ASPSCR1: variants seen among roughly 807,000 people sequenced by gnomAD.
ASPSCR1 encodes the protein tether containing UBX domain for GLUT4.
A neutral mutation model predicts 68.9 loss-of-function variants in ASPSCR1; 55 were observed. The ratio of observed to expected loss-of-function variants is 0.80; its 90% CI spans 0.64 to 1.00. ASPSCR1 has a LOEUF of 1.00. Ranked by LOEUF, ASPSCR1 falls within the 50% of genes least tolerant of loss-of-function variation. The pLI, the probability that ASPSCR1 is intolerant of heterozygous loss-of-function variation, is 0.00. For missense variants in ASPSCR1, 765 were observed against 762.2 expected (o/e 1.00, Z -0.04); for synonymous variants, 352 against 332.6 (o/e 1.06, Z -0.63).
Position 81,980,209 on chromosome 17 carries a change from C to G in ASPSCR1, c.158+970C>G, listed in dbSNP as rs574335126. ...CATTGGCCAGGACGGTCTAGAACTC[C>G]TGACCTTGTGATCCGCCTGCCTTGG... On this transcript the variant is annotated intron_variant, in intron 2 of 15. Coordinates refer to ENST00000306739, the MANE Select transcript of ASPSCR1 (RefSeq NM_024083.4). Among the ~76,000 whole-genome samples, 5 of 152,334 alleles carry G rather than the reference C, an allele frequency of 3.3e-5. No homozygotes were observed. In the South Asian group the frequency reaches 6.2e-4, roughly 19 times the overall value.
At chr17:81,978,832 G>T (rs373865623) in intron 1 of ASPSCR1, 37 of 350,196 alleles carry the variant, frequency 1.1e-4, no homozygotes, top group African/African-American at 7.8e-4. Flanking sequence ...AGAGCCAGGG[G>T]GTAGCTTGTG....
chr17:81,994,488 G>C (rs1045994297), intron 4 of ASPSCR1, among the ~76,000 whole-genome samples: 4 of 152,200 alleles, frequency 2.6e-5, no homozygotes, highest in Non-Finnish European at 5.9e-5. Flanking sequence ...AGCCAGTGCT[G>C]CTCGCCCCTC....
chr17:81,985,676 C>T, intron 4 of ASPSCR1, 69 bp downstream of exon 4: 1 of 1,499,566 alleles, frequency 6.7e-7, no homozygotes, highest in Non-Finnish European at 9.2e-7. Context: ...GTTACTGGGT[C>T]TGGTTCAGAG....
chr17:81,983,938 A>G lies in ASPSCR1; in HGVS notation c.273+270A>G, dbSNP rs1002606048. Among the ~76,000 whole-genome samples the G allele has an allele frequency of 2.0e-5, 3 of 151,450 alleles. No homozygotes were observed. Among genetic ancestry groups the G allele is most frequent in the Non-Finnish European group, 4.4e-5 (3 of 67,888 alleles). ...AGTGGCGCAGTCTCGGCTCACTTCAAGCTCCGCCTCCCGGGTTCACACCAT... is the reference window on the plus strand; with the variant it reads ...AGTGGCGCAGTCTCGGCTCACTTCAGGCTCCGCCTCCCGGGTTCACACCAT... On this transcript the variant is annotated intron_variant, in intron 3 of 15. Coordinates refer to ENST00000306739, the MANE Select transcript of ASPSCR1 (RefSeq NM_024083.4). The surrounding 1 kb of genome is among the most constrained non-coding windows in gnomAD (Gnocchi z 4.4).
intron 5 of ASPSCR1, chr17:81,995,328 T>G: frequency 1.3e-5 from 4 of 305,082 alleles, no homozygotes; most frequent in Middle Eastern, 9.0e-4. Context: ...GGCCAGGACA[T>G]TCCCCGCATT....
intron 6 of ASPSCR1, 144 bp from the exon 7 acceptor site, chr17:81,996,276 T>C (rs963996232): frequency 1.5e-6 from 2 of 1,310,468 alleles, no homozygotes; most frequent in Non-Finnish European, 2.0e-6. Flanking sequence ...CGGTGGATCT[T>C]GGGAGGGCGC....
At position 82,016,760 on chromosome 17, in the gene ASPSCR1, C is replaced by A. The variant is rs745769115; in HGVS notation, c.1406-40C>A. On this transcript the variant is annotated intron_variant, in intron 13 of 15. Transcript: ENST00000306739. The stretch of plus-strand genomic sequence containing the variant: ...ATGCTGGGTGGATGGTGAGTGGACC[C>A]CTCCTCAGAGGCTCAGGGTGAGCTT... 3 of 1,593,356 alleles carry A rather than the reference C, an allele frequency of 1.9e-6. No homozygotes were observed. In the Admixed American group the frequency reaches 5.1e-5, roughly 27 times the overall value.
chr17:82,016,494 G>A lies in ASPSCR1; in HGVS notation c.1372G>A (p.Ala458Thr), dbSNP rs192589467. The A allele has an allele frequency of 5.5e-4, 845 of 1,549,062 alleles. 5 individuals are homozygous for A. Among genetic ancestry groups the A allele is most frequent in the South Asian group, 1.5e-3 (125 of 84,048 alleles). Residue 458 changes from alanine to threonine, a missense_variant, in exon 13 of 16, where the codon GCT (alanine) becomes ACT (threonine). By Grantham distance (58) the Ala-to-Thr change is moderately conservative. Transcript: ENST00000306739. The stretch of plus-strand genomic sequence containing the variant: ...CCTGCAGGCGAACCTCTTCCCGGCC[G>A]CTCTGGTGCACTTGGGAGCCGAGGA... ...TLFQANLFPA[A>T]LVHLGAEEPA...
rs2043179651 is a variant in ASPSCR1, at chr17:82,017,365, ACCT to A, written c.*48_*50del. ...TGCCCACTCCGCCAGCCACAGGACC[ACCT>A]CCTCTGCCAGCAGGAATAAAGACTT... On this transcript the variant is annotated 3_prime_UTR_variant, in exon 16 of 16. Transcript: ENST00000306739. 6.2e-7 allele frequency: 1 copy of A among 1,611,778 alleles called. No homozygotes were observed. The highest frequency in any genetic ancestry group is 1.7e-5 in the Admixed American group (1 of 59,978).
At chr17:82,010,422 G>A (rs1344646173) in intron 9 of ASPSCR1, among the ~76,000 whole-genome samples, 1 of 151,526 alleles carries the variant, frequency 6.6e-6, no homozygotes, top group African/African-American at 2.4e-5. Flanking sequence ...CCAGCTGCTC[G>A]GGAGGCTGAG....
At position 81,979,165 on chromosome 17, in the gene ASPSCR1, C is replaced by T. The variant is rs370909339; in HGVS notation, c.103-19C>T. 12 of 1,613,752 alleles carry T rather than the reference C, an allele frequency of 7.4e-6. No individual in the cohort carries two copies. Among genetic ancestry groups the T allele is most frequent in the Non-Finnish European group, 1.0e-5 (12 of 1,179,830 alleles). ...CCCTGCACACTCAGCAGTTCACCAT[C>T]CTTTCATCTCACCCCCAGGTTCTGG... is the stretch of plus-strand genomic sequence containing the variant. On this transcript the variant is annotated intron_variant, in intron 1 of 15. Coordinates refer to ENST00000306739, the MANE Select transcript of ASPSCR1 (RefSeq NM_024083.4).
intron 4 of ASPSCR1, among the ~76,000 whole-genome samples, chr17:81,991,995 G>A (rs1204864230): frequency 6.6e-6 from 1 of 152,270 alleles, no homozygotes; most frequent in African/African-American, 2.4e-5. Context: ...CAGCAGAGGC[G>A]TGTCTGCCCT....
intron 1 of ASPSCR1, chr17:81,978,521 A>C (rs1427939651): frequency 6.8e-6 from 1 of 146,874 alleles, no homozygotes; most frequent in Non-Finnish European, 1.5e-5. Context: ...GCGAGACTCC[A>C]TATCAAAAAA....
chr17:81,978,995 T>C (rs2041707617), intron 1 of ASPSCR1, among the ~76,000 whole-genome samples, 189 bp from the exon 2 acceptor site: 1 of 150,928 alleles, frequency 6.6e-6, no homozygotes, highest in African/African-American at 2.4e-5. Flanking sequence ...GGAGGGAGAG[T>C]GGACAGGATT....
chr17:81,996,119 G>T, intron 6 of ASPSCR1, 54 bp downstream of exon 6: 1 of 1,513,608 alleles, frequency 6.6e-7, no homozygotes, highest in Non-Finnish European at 8.9e-7. Context: ...AAAAAAAGTG[G>T]TCTCAAAGGA....
rs544749760 is a variant in ASPSCR1 at position 81,983,478 on chromosome 17, C to T, written c.159-76C>T. On this transcript the variant is annotated intron_variant, in intron 2 of 15. Transcript: ENST00000306739. This position sits in a 1 kb window ranked among gnomAD's most constrained non-coding sequence, Gnocchi z 4.4. ...GGATGGCGGGGCGTGGATGGTGGGA[C>T]GGGGATGGCGGGGCGTGGATGGCAG... is the stretch of plus-strand genomic sequence containing the variant. 6.6e-5 allele frequency: 82 copies of T among 1,234,410 alleles called. No homozygotes were observed. In the Middle Eastern group the frequency reaches 9.9e-4, roughly 15 times the overall value. The allele number at this position is 1,234,410 out of a possible 1,614,324, so 76.5% of individuals were successfully genotyped here.
At position 81,987,616 on chromosome 17, in the gene ASPSCR1, T is replaced by C. The variant is rs1598394695; in HGVS notation, c.374+2009T>C. On this transcript the variant is annotated intron_variant, in intron 4 of 15. Transcript: ENST00000306739. The surrounding 1 kb of genome is among the most constrained non-coding windows in gnomAD (Gnocchi z 5.6). The stretch of plus-strand genomic sequence containing the variant: ...GAGGGGCCGAGGGTGTCTGGAGAGG[T>C]GGGGCCGGCATTGTGGTAGCATAAG... Among the ~76,000 whole-genome samples, 1 of 151,756 alleles carries C rather than the reference T, an allele frequency of 6.6e-6. No individual in the cohort carries two copies.
rs1437176465 is a variant in ASPSCR1 at position 82,010,869 on chromosome 17, G to C, written c.1237+1G>C. ...GGCTTCTTCCGCCCCAGCGAGACAG[G>C]TGGGCAGCGCTGTGGGGTGTCCGGG... On this transcript the variant is annotated splice_donor_variant, in intron 10 of 15. Transcript: ENST00000306739. LOFTEE classifies it high-confidence loss of function. 6.2e-7 allele frequency: 1 copy of C among 1,612,048 alleles called. No individual in the cohort carries two copies.
chr17:81,997,014 C>T (rs1016398376), intron 7 of ASPSCR1, among the ~76,000 whole-genome samples, 168 bp downstream of exon 7: 3 of 129,112 alleles, frequency 2.3e-5, no homozygotes, highest in African/African-American at 7.2e-5. Flanking sequence ...CTTCTGACTT[C>T]GCCCAGGAAG....
Sources: allele counts gnomAD v4.1 joint callset (sites outside exome capture counted in the v4.1 genomes callset), GRCh38; gene constraint gnomAD v4.1.1; non-coding constraint Gnocchi (gnomAD v3.1); transcripts MANE v1.5; gene names NCBI Gene and HGNC (gene_info 2026-07-23, HGNC 2026-07-21).